ERCC6L2: variants seen among roughly 807,000 people sequenced by gnomAD.
ERCC6L2 encodes the protein DNA excision repair protein ERCC-6-like 2.
ERCC6L2 carries 77 observed loss-of-function variants against 132.0 expected under a neutral mutation model. The ratio of observed to expected loss-of-function variants is 0.58; its 90% CI spans 0.49 to 0.71. The LOEUF (loss-of-function observed/expected upper bound fraction) is 0.71. Among genes scored for constraint, ERCC6L2 ranks in the 30% least tolerant of loss-of-function variants. The pLI is 0.00. For missense variants in ERCC6L2, 1,542 were observed against 1,837.6 expected, an observed-to-expected ratio of 0.84 and a Z score of 2.94; for synonymous variants, 583 against 632.4, an observed-to-expected ratio of 0.92 and a Z score of 1.17.
At chr9:96,002,842 A>G (rs573864429) in intron 17 of ERCC6L2, among the ~76,000 whole-genome samples, 1 of 152,108 alleles carries the variant, frequency 6.6e-6, no homozygotes, top group South Asian at 2.1e-4. Flanking sequence ...CATTTTTCCT[A>G]CTAGGGATTC....
At position 95,964,413 on chromosome 9, in the gene ERCC6L2, C is replaced by G. The variant is rs536233262; in HGVS notation, c.1948-2149C>G. Among the ~76,000 whole-genome samples the G allele has an allele frequency of 2.0e-5, 3 of 152,278 alleles. No homozygotes were observed. The South Asian group carries it at 6.2e-4, about 32-fold the overall frequency. On this transcript the variant is annotated intron_variant, in intron 13 of 18. Transcript: ENST00000653738. ...AATAATAGTCTCCCAAAGATGTTCA[C>G]ATTGTAATCCCCCAAACCACCTGGG...
At chr9:95,921,067 G>A in intron 6 of ERCC6L2, 108 bp from the exon 7 acceptor site, 9 of 1,076,766 alleles carry the variant, frequency 8.4e-6, no homozygotes, top group Admixed American at 3.0e-5. Flanking sequence ...GAGCCTCTGC[G>A]CCCGGCCAGT....
At chr9:95,904,071 C>G (rs1475861410) in intron 3 of ERCC6L2, among the ~76,000 whole-genome samples, 1 of 151,870 alleles carries the variant, frequency 6.6e-6, no homozygotes, top group African/African-American at 2.4e-5. Flanking sequence ...AGAAAATGAT[C>G]AGCTATACAC....
At chr9:95,918,885 T>C (rs757984544) in intron 6 of ERCC6L2, among the ~76,000 whole-genome samples, 4 of 152,106 alleles carry the variant, frequency 2.6e-5, no homozygotes, top group Admixed American at 1.3e-4. Flanking sequence ...TTTTTTTTTT[T>C]AAGACGGAGT....
At position 95,876,155 on chromosome 9, in the gene ERCC6L2, TG is replaced by T. The variant is rs1827253920; in HGVS notation, c.46+72del. The T allele has an allele frequency of 2.1e-6, 3 of 1,444,396 alleles. No homozygotes were observed. The South Asian group carries it at 3.7e-5, about 18-fold the overall frequency. 89.5% of individuals were successfully genotyped at this position (1,444,396 alleles called of 1,614,324 possible). A position where few individuals can be genotyped will look rare whatever the true frequency, so the allele number is the denominator to read the frequency against. On this transcript the variant is annotated intron_variant, in intron 1 of 18. Coordinates refer to ENST00000653738, the MANE Select transcript of ERCC6L2 (RefSeq NM_020207.7). ...GTCGCGTTGGACCAGTTCTTGCCGGTGCCCTTCGGGTTGGGGTTTTGCCCTG... is the reference window on the plus strand; with the variant it reads ...GTCGCGTTGGACCAGTTCTTGCCGGTCCCTTCGGGTTGGGGTTTTGCCCTG...
chr9:96,010,551 C>T (rs886350212), intron 18 of ERCC6L2, among the ~76,000 whole-genome samples: 1 of 152,144 alleles, frequency 6.6e-6, no homozygotes, highest in African/African-American at 2.4e-5. Context: ...CTCTGTGAAC[C>T]AGGTCATCTT....
At position 96,004,647 on chromosome 9, in the gene ERCC6L2, A is replaced by G. The variant is rs1180182003; in HGVS notation, c.3620A>G (p.Tyr1207Cys). The change falls in exon 18 of 19, where the codon TAC becomes TGC. Residue 1207 changes from tyrosine to cysteine, a missense_variant. By Grantham distance (194) the Tyr-to-Cys change is radical. This residue lies in a region of ERCC6L2 where 442 missense variants were observed against 583.4 expected (regional missense o/e 0.76). Transcript: ENST00000653738. ...GTAAACCAGAAGAAGAAAAAAGTCT[A>G]CCATACAAACCAGACCACCTTCATA... Reference protein sequence around the residue: ...NPVNQKKKKVYHTNQTTFIIG... With the variant: ...NPVNQKKKKVCHTNQTTFIIG... The G allele has an allele frequency of 1.5e-6, 2 of 1,337,460 alleles. No individual in the cohort carries two copies. Among genetic ancestry groups the G allele is most frequent in the African/African-American group, 1.5e-5 (1 of 67,314 alleles). The allele number at this position is 1,337,460 out of a possible 1,614,324, so 82.8% of individuals were successfully genotyped here. A position where few individuals can be genotyped will look rare whatever the true frequency, so the allele number is the denominator to read the frequency against.
At chr9:95,883,591 T>G (rs979836789) in intron 2 of ERCC6L2, among the ~76,000 whole-genome samples, 1 of 152,240 alleles carries the variant, frequency 6.6e-6, no homozygotes, top group Non-Finnish European at 1.5e-5. Flanking sequence ...CTGGGTTTGG[T>G]GGTTCACACC....
chr9:95,956,143 T>C (rs1831589653), intron 13 of ERCC6L2, 130 bp downstream of exon 13: 1 of 455,438 alleles, frequency 2.2e-6, no homozygotes, highest in Non-Finnish European at 3.8e-6. Flanking sequence ...TTATAAAAAT[T>C]ACCCTTGAAT....
chr9:95,966,457 C>G, intron 13 of ERCC6L2, 105 bp from the exon 14 acceptor site: 2 of 1,073,702 alleles, frequency 1.9e-6, no homozygotes, highest in Non-Finnish European at 2.5e-6. Flanking sequence ...TAAGGAGATT[C>G]TGCCTGCTCC....
intron 14 of ERCC6L2, 169 bp downstream of exon 14, chr9:95,966,883 C>A: frequency 2.2e-6 from 1 of 445,972 alleles, no homozygotes; most frequent in Non-Finnish European, 3.8e-6. Context: ...ATTATTGTAC[C>A]TCTAAACTAA....
chr9:96,035,384 C>T (rs1588070437), intron 19 of ERCC6L2, among the ~76,000 whole-genome samples: 1 of 152,220 alleles, frequency 6.6e-6, no homozygotes, highest in Non-Finnish European at 1.5e-5. Context: ...CACTTCCTCT[C>T]CTCTGAGGGC....
In ERCC6L2 at chr9:95,973,003, T is replaced by C. The variant is rs1294098756; in HGVS notation, c.3252T>C (p.Thr1084=). The stretch of plus-strand genomic sequence containing the variant: ...CTAGCCATAATAAGAAAAATAGCAC[T>C]TTTATTCCAAGAAAACCAATGAAAT... The part of the protein sequence containing the change: ...KLPSHNKKNS[T]FIPRKPMKCS... Residue 1084 remains threonine, a synonymous_variant, in exon 16 of 19, where the codon ACT becomes ACC. Transcript: ENST00000653738. 2 of 1,358,776 alleles carry C rather than the reference T, an allele frequency of 1.5e-6. No individual in the cohort carries two copies. The highest frequency in any genetic ancestry group is 2.0e-6 in the Non-Finnish European group (2 of 1,017,694). The allele number at this position is 1,358,776 out of a possible 1,614,324, so 84.2% of individuals were successfully genotyped here.
chr9:96,038,100 C>G (rs1399129096), intron 19 of ERCC6L2, among the ~76,000 whole-genome samples: 2 of 151,882 alleles, frequency 1.3e-5, no homozygotes, highest in Non-Finnish European at 2.9e-5. Flanking sequence ...GTCAGGAGAC[C>G]GTCCCTGAAG....
chr9:95,976,075 G>C (rs578099081), intron 16 of ERCC6L2, among the ~76,000 whole-genome samples: 2 of 151,938 alleles, frequency 1.3e-5, no homozygotes, highest in East Asian at 3.9e-4. Flanking sequence ...CTTTTCCCTT[G>C]GTCATTTTTA....
chr9:96,029,767 C>T (rs755398334), intron 19 of ERCC6L2, among the ~76,000 whole-genome samples: 13 of 152,178 alleles, frequency 8.5e-5, no homozygotes, highest in Non-Finnish European at 1.2e-4. Flanking sequence ...CTGTATTGAT[C>T]ATGGGTTTTT....
In ERCC6L2 at chr9:95,956,131, GATT is replaced by G. The variant is rs548487847; in HGVS notation, c.1947+121_1947+123del. On this transcript the variant is annotated intron_variant, in intron 13 of 18. Transcript: ENST00000653738. ...CTTACTGTATTGCGGAATTTAATAA[GATT>G]ATAAAAATTACCCTTGAATACACTT... is the stretch of plus-strand genomic sequence containing the variant. 843 of 483,228 alleles carry G rather than the reference GATT, an allele frequency of 1.7e-3. 3 individuals are homozygous for G. Among genetic ancestry groups the G allele is most frequent in the Non-Finnish European group, 2.4e-3 (688 of 284,014 alleles). The allele number at this position is 483,228 out of a possible 1,614,324, so 29.9% of individuals were successfully genotyped here. A position where few individuals can be genotyped will look rare whatever the true frequency, so the allele number is the denominator to read the frequency against.
intron 6 of ERCC6L2, chr9:95,918,423 A>G (rs1045508417): frequency 9.9e-6 from 4 of 403,158 alleles, no homozygotes; most frequent in Non-Finnish European, 2.0e-5. Flanking sequence ...GGAACAAGAA[A>G]ACGAGAAGGG....
intron 4 of ERCC6L2, among the ~76,000 whole-genome samples, chr9:95,909,566 TTG>T (rs1259106761): frequency 6.6e-6 from 1 of 152,194 alleles, no homozygotes; most frequent in East Asian, 1.9e-4. Flanking sequence ...AAGCACCCTT[TTG>T]TGTGTGTCGC....
Sources: gnomAD v4.1 joint callset for allele counts (sites outside exome capture counted in the v4.1 genomes callset) on GRCh38, gnomAD v4.1.1 for gene constraint, gnomAD v4.1.1 regional missense constraint, MANE v1.5 for transcripts, NCBI Gene and HGNC (gene_info 2026-07-23, HGNC 2026-07-21) for gene names.